The following PIK3C2G variants were observed in gnomAD, a reference collection of about 807,000 sequenced individuals.
The protein encoded by PIK3C2G is phosphatidylinositol-4-phosphate 3-kinase catalytic subunit type 2 gamma.
Under a neutral mutation model 181.1 loss-of-function variants are expected in PIK3C2G, and 168 were observed. The ratio of observed to expected loss-of-function variants is 0.93; its 90% CI spans 0.82 to 1.05. The LOEUF (loss-of-function observed/expected upper bound fraction) is 1.05. Among genes scored for constraint, PIK3C2G ranks in the 50% least tolerant of loss-of-function variants. The probability of loss-of-function intolerance (pLI) is 0.00; values close to 1 mark genes in which losing one functional copy is unlikely to be tolerated. For synonymous variants in PIK3C2G, 573 were observed against 592.2 expected (o/e 0.97, Z 0.47); for missense variants, 1,869 against 1,732.8 (o/e 1.08, Z -1.40).
chr12:18,438,050 T>G (rs1266250834), intron 18 of PIK3C2G, among the ~76,000 whole-genome samples: 1 of 151,932 alleles, frequency 6.6e-6, no homozygotes, highest in Non-Finnish European at 1.5e-5. Context: ...TGTGTTTTTT[T>G]AAAGTATTCT....
chr12:18,416,355 C>T (rs968104617), intron 16 of PIK3C2G, among the ~76,000 whole-genome samples: 3 of 152,272 alleles, frequency 2.0e-5, no homozygotes, highest in East Asian at 3.9e-4. Context: ...AGCAAGTTAT[C>T]CATAAGATCC....
the PIK3C2G span, among the ~76,000 whole-genome samples, chr12:18,673,224 TAAA>T: frequency 6.6e-6 from 1 of 152,288 alleles, no homozygotes; most frequent in Admixed American, 6.5e-5. Context: ...AAGATCCTTT[TAAA>T]AACAAAATTT....
At chr12:18,526,232 T>C (rs564569371) in intron 24 of PIK3C2G, among the ~76,000 whole-genome samples, 17 of 152,342 alleles carry the variant, frequency 1.1e-4, no homozygotes, top group African/African-American at 3.4e-4. Context: ...ATCCAAATGA[T>C]AGGTAATAAT....
At chr12:18,652,147 G>C (rs1327801073), downstream of PIK3C2G, among the ~76,000 whole-genome samples, 1 of 152,066 alleles carries the variant, frequency 6.6e-6, no homozygotes, top group African/African-American at 2.4e-5. Context: ...AGGTACCTCA[G>C]AATGTGAACT....
intron 24 of PIK3C2G, among the ~76,000 whole-genome samples, chr12:18,521,716 T>G (rs1476832764): frequency 6.6e-6 from 1 of 152,218 alleles, no homozygotes; most frequent in Admixed American, 6.5e-5. Context: ...TCTATCCCAG[T>G]GTCGACTGCC....
intron 22 of PIK3C2G, among the ~76,000 whole-genome samples, chr12:18,502,890 AT>A (rs1941589543): frequency 6.6e-6 from 1 of 152,106 alleles, no homozygotes; most frequent in South Asian, 2.1e-4. Flanking sequence ...TGGAGAGTGT[AT>A]TTGGCTCCCT....
At chr12:18,538,043 A>C in intron 24 of PIK3C2G, 113 bp from the exon 25 acceptor site, 5 of 916,472 alleles carry the variant, frequency 5.5e-6, no homozygotes, top group Non-Finnish European at 8.4e-6. Flanking sequence ...TATCTATTAC[A>C]GTAGAGAAAA....
chr12:18,684,964 T>C, the PIK3C2G span, among the ~76,000 whole-genome samples: 1 of 151,942 alleles, frequency 6.6e-6, no homozygotes, highest in Non-Finnish European at 1.5e-5. Flanking sequence ...CCAAATTTGT[T>C]TCCCCTTCAC....
chr12:18,341,839 G>C (rs892931323), intron 9 of PIK3C2G, among the ~76,000 whole-genome samples: 1 of 152,058 alleles, frequency 6.6e-6, no homozygotes, highest in Non-Finnish European at 1.5e-5. Context: ...CTTTTTCTTG[G>C]CTGCATTTTT....
At chr12:18,547,463 T>G (rs972949988) in intron 26 of PIK3C2G, among the ~76,000 whole-genome samples, 1 of 151,990 alleles carries the variant, frequency 6.6e-6, no homozygotes, top group East Asian at 1.9e-4. Context: ...AGAGCCTTTA[T>G]AGTTTATTTA....
intron 3 of PIK3C2G, 134 bp from the exon 4 acceptor site, chr12:18,290,721 A>G: frequency 1.6e-6 from 1 of 643,008 alleles, no homozygotes; most frequent in Non-Finnish European, 2.7e-6. Context: ...TCAATTACTG[A>G]TTGCTTTCAT....
chr12:18,578,085 G>C (rs1319584584), intron 29 of PIK3C2G, among the ~76,000 whole-genome samples: 3 of 152,116 alleles, frequency 2.0e-5, no homozygotes, highest in Admixed American at 2.0e-4. Flanking sequence ...AAACATGCTG[G>C]TTCTAAAGGT....
intron 31 of PIK3C2G, among the ~76,000 whole-genome samples, chr12:18,640,208 C>T (rs189880083): frequency 5.3e-5 from 8 of 152,048 alleles, no homozygotes; most frequent in African/African-American, 1.9e-4. Context: ...AGTTCTCTGA[C>T]ACAACACTTA....
At chr12:18,662,112 C>A in the PIK3C2G span, among the ~76,000 whole-genome samples, 5 of 151,976 alleles carry the variant, frequency 3.3e-5, no homozygotes, top group African/African-American at 1.2e-4. Context: ...ACAATAGACA[C>A]TGGGACTACT....
intron 16 of PIK3C2G, among the ~76,000 whole-genome samples, chr12:18,406,779 A>G (rs1944557114): frequency 6.6e-6 from 1 of 152,202 alleles, no homozygotes; most frequent in East Asian, 1.9e-4. Flanking sequence ...AAGGAAAAAT[A>G]TGAATACAAT....
downstream of PIK3C2G, among the ~76,000 whole-genome samples, chr12:18,650,862 T>G (rs1328860520): frequency 6.6e-6 from 1 of 150,568 alleles, no homozygotes; most frequent in Non-Finnish European, 1.5e-5. Context: ...AATACTCTGG[T>G]CCAACTTACT....
At chr12:18,449,312 T>C (rs1215294785) in intron 18 of PIK3C2G, among the ~76,000 whole-genome samples, 1 of 152,126 alleles carries the variant, frequency 6.6e-6, no homozygotes, top group Non-Finnish European at 1.5e-5. Context: ...TACTTTAAGT[T>C]CTGGGATACA....
At chr12:18,685,137 CTTAG>C in the PIK3C2G span, among the ~76,000 whole-genome samples, 2 of 152,026 alleles carry the variant, frequency 1.3e-5, no homozygotes. Context: ...GAGTTCCATA[CTTAG>C]TTGTTAGACT....
intron 15 of PIK3C2G, among the ~76,000 whole-genome samples, chr12:18,393,406 TA>T (rs1943664390): frequency 6.6e-6 from 1 of 152,086 alleles, no homozygotes; most frequent in African/African-American, 2.4e-5. Context: ...TACCACATTT[TA>T]TCATTTAGTT....
Sources: gnomAD v4.1 joint callset for allele counts (sites outside exome capture counted in the v4.1 genomes callset) on GRCh38, gnomAD v4.1.1 for gene constraint, MANE v1.5 for transcripts, NCBI Gene and HGNC (gene_info 2026-07-23, HGNC 2026-07-21) for gene names.